Variants in TMEM67 observed in about 807,000 individuals in gnomAD.
TMEM67 encodes the protein transmembrane protein 67.
In TMEM67, 124 loss-of-function variants were observed where a neutral mutation model predicts 136.6. The observed-to-expected ratio is 0.91, with a 90% CI of 0.78 to 1.05. TMEM67 has a LOEUF of 1.05. TMEM67 is among the 50% of genes least tolerant of loss of function. The probability of loss-of-function intolerance (pLI) is 0.00; values close to 1 mark genes in which losing one functional copy is unlikely to be tolerated. For synonymous variants in TMEM67, 364 were observed against 390.5 expected (o/e 0.93, Z 0.80); for missense variants, 1,107 against 1,178.4 (o/e 0.94, Z 0.89).
chr8:93,767,286 C>T (rs1440436386), intron 6 of TMEM67, among the ~76,000 whole-genome samples: 1 of 152,236 alleles, frequency 6.6e-6, no homozygotes, highest in East Asian at 1.9e-4. Context: ...ACAGTGTCTA[C>T]CTGTGCCACC....
chr8:93,824,461 T>G, the TMEM67 span, among the ~76,000 whole-genome samples: 1 of 152,196 alleles, frequency 6.6e-6, no homozygotes, highest in Non-Finnish European at 1.5e-5. Context: ...TGTCCTGTTC[T>G]CTAAAGAAAA....
At chr8:93,755,751 CTTTTTT>C (rs587779735) in intron 1 of TMEM67, 21 bp from the exon 2 acceptor site, 82 of 633,010 alleles carry the variant, frequency 1.3e-4, no homozygotes, top group Admixed American at 4.5e-4. Context: ...ATAAAATTGG[CTTTTTT>C]TTTTTTTTTT....
chr8:93,780,707 A>G lies in TMEM67; in HGVS notation c.829A>G (p.Asn277Asp). The G allele has an allele frequency of 6.2e-7, 1 of 1,613,954 alleles. No homozygotes were observed. The highest frequency in any genetic ancestry group is 2.2e-5 in the East Asian group (1 of 44,886). Reference protein sequence around the residue: ...ACGLFQFIFENTAGLSTVHSI... With the variant: ...ACGLFQFIFEDTAGLSTVHSI... The stretch of plus-strand genomic sequence containing the variant: ...TGGACTATTTCAGTTTATCTTTGAA[A>G]ATACTGCTGGACTGAGCACTGTTCA... Residue 277 changes from asparagine to aspartate, a missense_variant, in exon 8 of 28, where the codon AAT becomes GAT. Coordinates refer to ENST00000453321, the MANE Select transcript of TMEM67 (RefSeq NM_153704.6).
At chr8:93,779,892 C>G (rs1813733197) in intron 7 of TMEM67, among the ~76,000 whole-genome samples, 1 of 152,260 alleles carries the variant, frequency 6.6e-6, no homozygotes, top group East Asian at 1.9e-4. Context: ...CTGGGAGAAC[C>G]ACTGCTCTCT....
chr8:93,782,785 G>A (rs963650765), intron 11 of TMEM67, among the ~76,000 whole-genome samples: 1 of 151,830 alleles, frequency 6.6e-6, no homozygotes, highest in African/African-American at 2.4e-5. Flanking sequence ...ATGTTGATCA[G>A]GCTGATCTTG....
the TMEM67 span, among the ~76,000 whole-genome samples, chr8:93,824,708 T>C: frequency 6.6e-6 from 1 of 152,092 alleles, no homozygotes; most frequent in African/African-American, 2.4e-5. Flanking sequence ...GAGTCTCTTT[T>C]TTTGTTGTTT....
Position 93,787,832 on chromosome 8 carries a change from T to G in TMEM67, c.1413-12T>G, listed in dbSNP as rs369870113. 180 of 1,592,194 alleles carry G rather than the reference T, an allele frequency of 1.1e-4. No homozygotes were observed. Among genetic ancestry groups the G allele is most frequent in the Non-Finnish European group, 1.5e-4 (175 of 1,160,194 alleles). On this transcript the variant is annotated splice_polypyrimidine_tract_variant and intron_variant, in intron 13 of 27. Transcript: ENST00000453321. ...TATACTGATTACTATAAATGCATTT[T>G]CTTTTAAATAGTGTCCACCTTGTAC... is the stretch of plus-strand genomic sequence containing the variant.
chr8:93,798,039 A>C (rs1465624544), intron 20 of TMEM67, among the ~76,000 whole-genome samples: 1 of 152,148 alleles, frequency 6.6e-6, no homozygotes, highest in African/African-American at 2.4e-5. Flanking sequence ...GCCACGCAAA[A>C]TCATCATCAC....
At chr8:93,798,700 CCCTT>C (rs781566513) in intron 20 of TMEM67, among the ~76,000 whole-genome samples, 10 of 152,210 alleles carry the variant, frequency 6.6e-5, no homozygotes, top group Non-Finnish European at 1.5e-4. Context: ...TTTCCCCTTT[CCCTT>C]CCTTTCCTTT....
rs1201931786 is a variant in TMEM67, at chr8:93,797,020, A to G, written c.1861-114A>G. 7.0e-6 allele frequency: 5 copies of G among 717,622 alleles called. No homozygotes were observed. In the East Asian group the frequency reaches 1.1e-4, roughly 15 times the overall value. The allele number at this position is 717,622 out of a possible 1,614,324, so 44.5% of individuals were successfully genotyped here. On this transcript the variant is annotated intron_variant, in intron 18 of 27. Coordinates refer to ENST00000453321, the MANE Select transcript of TMEM67 (RefSeq NM_153704.6). ...ATTATAACTTCATGTGAATTCACTC[A>G]TAAAATTATATGTTCTTGTGATAAC... is the stretch of plus-strand genomic sequence containing the variant.
intron 26 of TMEM67, among the ~76,000 whole-genome samples, chr8:93,814,154 T>C (rs1808807363): frequency 6.7e-6 from 1 of 148,992 alleles, no homozygotes. Flanking sequence ...TTTTTTTTTT[T>C]TTTGAGACGT....
chr8:93,816,696 C>CA lies in TMEM67; in HGVS notation c.*252dup. ...AATAAATTAATACTGACAGTGAGGC[C>CA]AAAAAAAATCTAAATGTTGCTTTCA... On this transcript the variant is annotated 3_prime_UTR_variant, in exon 28 of 28. Coordinates refer to ENST00000453321, the MANE Select transcript of TMEM67 (RefSeq NM_153704.6). 12 of 273,372 alleles carry CA rather than the reference C, an allele frequency of 4.4e-5. No homozygotes were observed. The highest frequency in any genetic ancestry group is 6.9e-5 in the Non-Finnish European group (10 of 144,836). The allele number at this position is 273,372 out of a possible 1,614,324, so 16.9% of individuals were successfully genotyped here.
At chr8:93,781,798 C>A in intron 10 of TMEM67, 54 bp downstream of exon 10, 1 of 1,067,418 alleles carries the variant, frequency 9.4e-7, no homozygotes, top group South Asian at 1.4e-5. Flanking sequence ...TTGCCTGAGA[C>A]AAAGCCAAGA....
At chr8:93,813,801 A>G (rs1265597659) in intron 26 of TMEM67, among the ~76,000 whole-genome samples, 2 of 152,224 alleles carry the variant, frequency 1.3e-5, no homozygotes, top group Non-Finnish European at 2.9e-5. Flanking sequence ...GTAGAAGCAC[A>G]CAATAAATTG....
intron 6 of TMEM67, among the ~76,000 whole-genome samples, chr8:93,770,221 T>C (rs1168448539): frequency 1.3e-5 from 2 of 152,200 alleles, no homozygotes; most frequent in African/African-American, 4.8e-5. Flanking sequence ...TATCTCTCTG[T>C]ATATATGTAA....
chr8:93,805,030 T>G, intron 23 of TMEM67, 152 bp downstream of exon 23: 1 of 575,534 alleles, frequency 1.7e-6, no homozygotes, highest in Non-Finnish European at 3.1e-6. Context: ...TGGAGTGCAG[T>G]GGCGCAATCT....
chr8:93,793,440 A>T (rs1814474805), intron 16 of TMEM67, 144 bp downstream of exon 16: 1 of 710,732 alleles, frequency 1.4e-6, no homozygotes, highest in African/African-American at 1.8e-5. Flanking sequence ...GCTGGGTCAT[A>T]TGGTATATGT....
chr8:93,777,137 A>G (rs1345618004), intron 7 of TMEM67, among the ~76,000 whole-genome samples: 1 of 152,136 alleles, frequency 6.6e-6, no homozygotes, highest in East Asian at 1.9e-4. Flanking sequence ...GTTTATTTGT[A>G]TAGAGGTGTT....
rs1366156009 is a variant in TMEM67 at position 93,785,304 on chromosome 8, A to G, written c.1214A>G (p.Asn405Ser). The G allele has an allele frequency of 6.2e-7, 1 of 1,605,972 alleles. No individual in the cohort carries two copies. Reference protein sequence around the residue: ...YDVYLEYTDENQHQYILAVPV... With the variant: ...YDVYLEYTDESQHQYILAVPV... ...GTGTACCTTGAATATACTGATGAAAATCAACATCAATATATTTTGGCTGTG... is the reference window on the plus strand; with the variant it reads ...GTGTACCTTGAATATACTGATGAAAGTCAACATCAATATATTTTGGCTGTG... The change falls in exon 12 of 28, where the codon AAT (asparagine) becomes AGT (serine). Residue 405 changes from asparagine to serine, a missense_variant. Asn to Ser is a conservative substitution (Grantham distance 46, BLOSUM62 1). Coordinates refer to ENST00000453321, the MANE Select transcript of TMEM67 (RefSeq NM_153704.6).
Sources: allele counts gnomAD v4.1 joint callset (sites outside exome capture counted in the v4.1 genomes callset), GRCh38; gene constraint gnomAD v4.1.1; transcripts MANE v1.5; gene names NCBI Gene and HGNC (gene_info 2026-07-23, HGNC 2026-07-21).